SMYD3: variants seen among roughly 807,000 people sequenced by gnomAD.
The protein encoded by SMYD3 is histone-lysine N-methyltransferase SMYD3.
Under a neutral mutation model 57.7 loss-of-function variants are expected in SMYD3, and 36 were observed. The ratio of observed to expected loss-of-function variants is 0.62; its 90% confidence interval spans 0.48 to 0.82. The LOEUF is 0.82. Ranked by LOEUF, SMYD3 falls within the 40% of genes least tolerant of loss-of-function variation. SMYD3 has a pLI of 0.00. For synonymous variants in SMYD3, 211 were observed against 195.0 expected, an observed-to-expected ratio of 1.08 and a Z score of -0.68; for missense variants, 515 against 538.8, an observed-to-expected ratio of 0.96 and a Z score of 0.44.
chr1:245,845,528 G>A (rs1221787761), intron 10 of SMYD3, among the ~76,000 whole-genome samples: 1 of 152,170 alleles, frequency 6.6e-6, no homozygotes, highest in African/African-American at 2.4e-5. Flanking sequence ...ATCAGGTCCT[G>A]ACATAATTTC....
At chr1:246,076,960 G>A (rs2060560223) in intron 5 of SMYD3, among the ~76,000 whole-genome samples, 1 of 152,176 alleles carries the variant, frequency 6.6e-6, no homozygotes, top group Non-Finnish European at 1.5e-5. Flanking sequence ...AGAAAGGAGA[G>A]AGACAATCTT....
chr1:246,247,486 TTTTTTA>T (rs2063727394), intron 5 of SMYD3, among the ~76,000 whole-genome samples: 1 of 141,110 alleles, frequency 7.1e-6, no homozygotes, highest in South Asian at 2.3e-4. Context: ...TATATATATA[TTTTTTA>T]ACATGGGACT....
chr1:245,793,704 C>T (rs1352266285), intron 10 of SMYD3, among the ~76,000 whole-genome samples: 1 of 152,100 alleles, frequency 6.6e-6, no homozygotes, highest in Non-Finnish European at 1.5e-5. Flanking sequence ...ACCTTGCCCT[C>T]CCATCCATAT....
Position 245,777,724 on chromosome 1 carries a change from T to C in SMYD3, c.1077-13575A>G, listed in dbSNP as rs150899189. Among the ~76,000 whole-genome samples the C allele has an allele frequency of 5.1e-3, 775 of 152,312 alleles. 4 individuals are homozygous for C. Among genetic ancestry groups the C allele is most frequent in the African/African-American group, 0.017 (690 of 41,560 alleles). ...CCCCTGTGTCTTCTGCATAGCTTAA[T>C]GGTCTGCCCACATCACAAAAAAGAA... On this transcript the variant is annotated intron_variant, in intron 10 of 11. Coordinates refer to ENST00000490107, the MANE Select transcript of SMYD3 (RefSeq NM_001167740.2).
intron 10 of SMYD3, among the ~76,000 whole-genome samples, chr1:245,800,661 G>A (rs2047814490): frequency 6.6e-6 from 1 of 152,156 alleles, no homozygotes; most frequent in Non-Finnish European, 1.5e-5. Context: ...AACAAATGAT[G>A]AAAACTTTGT....
chr1:246,230,798 G>A (rs1163908920), intron 5 of SMYD3, among the ~76,000 whole-genome samples: 5 of 152,174 alleles, frequency 3.3e-5, no homozygotes, highest in African/African-American at 1.2e-4. Context: ...TTGAGCAGTT[G>A]AAATGTGTTT....
In SMYD3 at chr1:245,764,284, A is replaced by G. The variant is rs913949837; in HGVS notation, c.1077-135T>C. 10 of 639,032 alleles carry G rather than the reference A, an allele frequency of 1.6e-5. No individual in the cohort carries two copies. In the African/African-American group the frequency reaches 1.8e-4, roughly 12 times the overall value. The allele number at this position is 639,032 out of a possible 1,614,324, so 39.6% of individuals were successfully genotyped here. A position where few individuals can be genotyped will look rare whatever the true frequency, so the allele number is the denominator to read the frequency against. On this transcript the variant is annotated intron_variant, in intron 10 of 11. Transcript: ENST00000490107. The stretch of plus-strand genomic sequence containing the variant: ...GCTACTGAAAGGAAATCAGCTTTGC[A>G]ATCCAGGAGAATGCAGTACTGAGGG...
rs926668754 is a variant in SMYD3, at chr1:245,819,174, C to T, written c.1076+39322G>A. 3.6e-5 allele frequency among the ~76,000 whole-genome samples: 5 copies of T among 139,810 alleles called. No homozygotes were observed. The South Asian group carries it at 7.3e-4, about 20-fold the overall frequency. The allele number at this position is 139,810 out of a possible 152,430, so 91.7% of individuals were successfully genotyped here. ...GCTCTCCTCAGCAAATGTAAAAGAACAGAAATTATAACAAACTATCTCTCA... is the reference window on the plus strand; with the variant it reads ...GCTCTCCTCAGCAAATGTAAAAGAATAGAAATTATAACAAACTATCTCTCA... On this transcript the variant is annotated intron_variant, in intron 10 of 11. Coordinates refer to ENST00000490107, the MANE Select transcript of SMYD3 (RefSeq NM_001167740.2).
intron 5 of SMYD3, among the ~76,000 whole-genome samples, chr1:246,247,878 T>C (rs886521577): frequency 1.3e-5 from 2 of 152,188 alleles, no homozygotes; most frequent in East Asian, 1.9e-4. Flanking sequence ...CCTGGATAAG[T>C]ACTGCCTGGA....
chr1:246,429,611 T>C (rs1890802), intron 1 of SMYD3, among the ~76,000 whole-genome samples: 66,898 of 152,080 alleles, frequency 0.44, 15,446 homozygotes, highest in Admixed American at 0.55. Flanking sequence ...TCAACCCTGC[T>C]GTGTTCCCAG....
At chr1:246,445,620 G>A (rs536576296) in intron 1 of SMYD3, among the ~76,000 whole-genome samples, 1 of 152,168 alleles carries the variant, frequency 6.6e-6, no homozygotes, top group South Asian at 2.1e-4. Flanking sequence ...CAAAGAAAAC[G>A]AACTTAGGAG....
intron 5 of SMYD3, among the ~76,000 whole-genome samples, chr1:245,931,146 A>C (rs1292258443): frequency 6.6e-6 from 1 of 152,196 alleles, no homozygotes; most frequent in African/African-American, 2.4e-5. Flanking sequence ...GAAGATAGAA[A>C]GCCACTGGAT....
intron 5 of SMYD3, among the ~76,000 whole-genome samples, chr1:245,981,289 C>T (rs946170064): frequency 3.9e-5 from 6 of 152,182 alleles, no homozygotes; most frequent in Admixed American, 3.3e-4. Flanking sequence ...AAGCTCTGCC[C>T]TTTTTGAGAG....
chr1:245,806,685 TGG>T (rs1553328119), intron 10 of SMYD3, among the ~76,000 whole-genome samples: 3 of 145,524 alleles, frequency 2.1e-5, no homozygotes, highest in Non-Finnish European at 4.5e-5. Flanking sequence ...CCGAGGCGGG[TGG>T]ATCATGAGGT....
chr1:246,443,289 C>A (rs148805172), intron 1 of SMYD3, among the ~76,000 whole-genome samples: 2 of 152,136 alleles, frequency 1.3e-5, no homozygotes, highest in East Asian at 1.9e-4. Context: ...GCAAGTACAG[C>A]GTTACATTCA....
At chr1:246,426,716 A>T (rs1301704725) in intron 1 of SMYD3, among the ~76,000 whole-genome samples, 1 of 152,146 alleles carries the variant, frequency 6.6e-6, no homozygotes, top group Non-Finnish European at 1.5e-5. Flanking sequence ...AATGGTCCCA[A>T]CCTTTGTGGG....
intron 5 of SMYD3, among the ~76,000 whole-genome samples, chr1:246,273,266 C>T (rs946824192): frequency 6.6e-6 from 1 of 151,120 alleles, no homozygotes; most frequent in Admixed American, 6.6e-5. Flanking sequence ...TCTCCTGCCT[C>T]GGCCTCCTGA....
chr1:246,043,582 G>A (rs1425985197), intron 5 of SMYD3, among the ~76,000 whole-genome samples: 1 of 152,184 alleles, frequency 6.6e-6, no homozygotes, highest in African/African-American at 2.4e-5. Context: ...AAACACACAC[G>A]TTCTCCTGCA....
chr1:245,911,885 G>C lies in SMYD3; in HGVS notation c.813+3645C>G, dbSNP rs183553983. 2.9e-3 allele frequency among the ~76,000 whole-genome samples: 435 copies of C among 152,144 alleles called. 4 individuals are homozygous for C. The highest frequency in any genetic ancestry group is 3.7e-3 in the Non-Finnish European group (250 of 67,946). On this transcript the variant is annotated intron_variant, in intron 8 of 11. Coordinates refer to ENST00000490107, the MANE Select transcript of SMYD3 (RefSeq NM_001167740.2). The stretch of plus-strand genomic sequence containing the variant: ...CAAAATAGCTAGAAGAGAAAATTTA[G>C]AATGTTCCCAACATAAATAAATTTT...
Sources: allele counts gnomAD v4.1 joint callset (sites outside exome capture counted in the v4.1 genomes callset), GRCh38; gene constraint gnomAD v4.1.1; transcripts MANE v1.5; gene names NCBI Gene and HGNC (gene_info 2026-07-23, HGNC 2026-07-21).